NEDD4: variants seen among roughly 807,000 people sequenced by gnomAD.
NEDD4 encodes E3 ubiquitin-protein ligase NEDD4.
In NEDD4, 99 loss-of-function variants were observed where a neutral mutation model predicts 144.9. The observed-to-expected ratio is 0.68, with a 90% confidence interval of 0.58 to 0.81. The LOEUF is 0.81. Ranked by LOEUF, NEDD4 falls within the 30% of genes least tolerant of loss-of-function variation. The pLI is 0.00. For missense variants in NEDD4, 985 were observed against 1,065.9 expected (o/e 0.92, Z 1.06); for synonymous variants, 318 against 350.6 (o/e 0.91, Z 1.04).
At chr15:55,833,181 C>T (rs1426547714) in intron 26 of NEDD4, 77 bp from the exon 27 acceptor site, 5 of 903,672 alleles carry the variant, frequency 5.5e-6, no homozygotes, top group Middle Eastern at 2.4e-4. Context: ...CATAAGCTAT[C>T]GGAATTTAGA....
At chr15:55,895,946 C>T (rs7182280) in intron 5 of NEDD4, among the ~76,000 whole-genome samples, 114,639 of 152,146 alleles carry the variant, frequency 0.75, 43,468 homozygotes, top group African/African-American at 0.81. Context: ...TTATACAAAC[C>T]TATCTGTCAA....
chr15:55,923,119 G>A (rs561808758), intron 5 of NEDD4, among the ~76,000 whole-genome samples: 19 of 152,234 alleles, frequency 1.2e-4, no homozygotes, highest in African/African-American at 4.1e-4. Flanking sequence ...GGGAGGCAGA[G>A]GTTGCAGTGA....
intron 7 of NEDD4, among the ~76,000 whole-genome samples, 162 bp downstream of exon 7, chr15:55,872,253 G>A (rs2034826960): frequency 6.6e-6 from 1 of 151,260 alleles, no homozygotes; most frequent in African/African-American, 2.4e-5. Flanking sequence ...CTTTTAATCA[G>A]AAATAGCAAT....
intron 5 of NEDD4, among the ~76,000 whole-genome samples, chr15:55,919,680 A>G: frequency 6.6e-6 from 1 of 152,200 alleles, no homozygotes; most frequent in East Asian, 1.9e-4. Flanking sequence ...AATCCATGCA[A>G]GTCCTACATA....
In NEDD4 at chr15:55,853,934, G is replaced by C. The variant is rs539373213; in HGVS notation, c.1027-1391C>G. Among the ~76,000 whole-genome samples the C allele has an allele frequency of 4.6e-5, 7 of 152,266 alleles. No homozygotes were observed. In the South Asian group the frequency reaches 1.5e-3, roughly 32 times the overall value. ...TGAACCGGGAGGCAGAGGTTACAGT[G>C]AGCTGAGATTGCACCATTGCACTCT... is the stretch of plus-strand genomic sequence containing the variant. On this transcript the variant is annotated intron_variant, in intron 12 of 28. Coordinates refer to ENST00000435532, the MANE Select transcript of NEDD4 (RefSeq NM_006154.4).
At chr15:55,899,513 A>T (rs1566939924) in intron 5 of NEDD4, among the ~76,000 whole-genome samples, 1 of 152,216 alleles carries the variant, frequency 6.6e-6, no homozygotes, top group Non-Finnish European at 1.5e-5. Context: ...AAAATAACTC[A>T]ACAAACCCCT....
Position 55,848,808 on chromosome 15 carries a change from G to A in NEDD4, c.1426C>T (p.Pro476Ser), listed in dbSNP as rs1180768711. The A allele has an allele frequency of 3.1e-6, 5 of 1,612,880 alleles. 1 individual carries two copies. In the South Asian group the frequency reaches 3.3e-5, roughly 11 times the overall value. ...LDTSNDLGPL[P>S]PGWEERTHTD... ...GGTTAGCATTTCTATACACTTACAG[G>A]TAAAGGCCCTAGATCATTGGAAGTA... is the stretch of plus-strand genomic sequence containing the variant. The change falls in exon 15 of 29, where the codon CCT becomes TCT. Residue 476 changes from proline (P) to serine (S), a missense_variant and splice_region_variant. Transcript: ENST00000435532.
intron 1 of NEDD4, among the ~76,000 whole-genome samples, chr15:55,986,017 C>A (rs186224556): frequency 2.0e-5 from 3 of 152,248 alleles, no homozygotes; most frequent in Non-Finnish European, 1.5e-5. Flanking sequence ...GACCTAGGAA[C>A]CTCCTTGAAA....
At chr15:55,857,313 G>T (rs1435238063) in intron 11 of NEDD4, among the ~76,000 whole-genome samples, 2 of 152,084 alleles carry the variant, frequency 1.3e-5, no homozygotes, top group Non-Finnish European at 2.9e-5. Context: ...AAGATAGAAG[G>T]TTTAATTTTT....
intron 5 of NEDD4, among the ~76,000 whole-genome samples, chr15:55,886,057 T>G (rs185352159): frequency 1.4e-4 from 22 of 152,110 alleles, no homozygotes; most frequent in Non-Finnish European, 2.5e-4. Flanking sequence ...AGTAGCTGTA[T>G]CAGATAAAAT....
At chr15:55,975,524 T>G (rs2037684620) in intron 1 of NEDD4, among the ~76,000 whole-genome samples, 1 of 152,040 alleles carries the variant, frequency 6.6e-6, no homozygotes, top group South Asian at 2.1e-4. Flanking sequence ...TAACTCCCAG[T>G]TACAATCCCT....
chr15:55,970,827 C>A (rs1257902431), intron 1 of NEDD4, among the ~76,000 whole-genome samples: 3 of 152,160 alleles, frequency 2.0e-5, no homozygotes, highest in African/African-American at 7.2e-5. Flanking sequence ...GGGTACAAAC[C>A]AGCCCAGACT....
At chr15:55,988,485 A>T (rs201022349) in intron 1 of NEDD4, among the ~76,000 whole-genome samples, 9 of 89,650 alleles carry the variant, frequency 1.0e-4, no homozygotes, top group East Asian at 5.7e-4. Context: ...AAAAAAAAAA[A>T]TTAAAAAAAA....
intron 5 of NEDD4, among the ~76,000 whole-genome samples, chr15:55,894,394 T>G (rs1187599691): frequency 2.0e-5 from 3 of 152,184 alleles, no homozygotes; most frequent in South Asian, 4.1e-4. Flanking sequence ...TATACCACTT[T>G]ATTTAAGGAA....
intron 8 of NEDD4, 68 bp downstream of exon 8, chr15:55,869,511 T>C: frequency 1.2e-6 from 1 of 853,516 alleles, no homozygotes; most frequent in South Asian, 1.6e-5. Context: ...TAGTTATTGT[T>C]CTTCAGAGTA....
intron 1 of NEDD4, among the ~76,000 whole-genome samples, chr15:55,980,416 T>C (rs1595887653): frequency 5.3e-5 from 8 of 150,038 alleles, no homozygotes; most frequent in African/African-American, 2.0e-4. Flanking sequence ...TTGAGCGAAC[T>C]GGGTGATCCA....
chr15:55,858,019 CT>C (rs1210086512), intron 11 of NEDD4, among the ~76,000 whole-genome samples: 1 of 152,116 alleles, frequency 6.6e-6, no homozygotes, highest in Non-Finnish European at 1.5e-5. Flanking sequence ...TATTAGTTTC[CT>C]GTTTAGTCCT....
At chr15:55,838,433 A>G (rs1005062326) in intron 22 of NEDD4, 76 bp downstream of exon 22, 7 of 1,001,330 alleles carry the variant, frequency 7.0e-6, no homozygotes, top group African/African-American at 6.4e-5. Flanking sequence ...CTAGGAATGT[A>G]TTAAGTGTAC....
At chr15:55,949,078 A>G (rs1369215321) in intron 4 of NEDD4, among the ~76,000 whole-genome samples, 26 of 152,342 alleles carry the variant, frequency 1.7e-4, no homozygotes, top group African/African-American at 6.3e-4. Flanking sequence ...TAATATCCAG[A>G]ATCTACAAAG....
Sources: allele counts gnomAD v4.1 joint callset (sites outside exome capture counted in the v4.1 genomes callset), GRCh38; gene constraint gnomAD v4.1.1; transcripts MANE v1.5; gene names NCBI Gene and HGNC (gene_info 2026-07-23, HGNC 2026-07-21).